Variants in SLC22A31 observed in about 807,000 individuals in gnomAD.
SLC22A31 encodes solute carrier family 22 member 31.
Under a neutral mutation model 27.4 loss-of-function variants are expected in SLC22A31, and 42 were observed. The ratio of observed to expected loss-of-function variants is 1.53; its 90% confidence interval spans 1.20 to 1.98. The LOEUF (loss-of-function observed/expected upper bound fraction) is 1.98, where lower values mean the gene tolerates loss of function less well. Ranked by LOEUF, SLC22A31 falls within the 30% of genes most tolerant of loss-of-function variation. SLC22A31 has a pLI of 0.00. For missense variants in SLC22A31, 593 were observed against 479.9 expected (o/e 1.24, Z -2.20); for synonymous variants, 290 against 230.8 (o/e 1.26, Z -2.33).
chr16:89,200,204 C>T (rs183898509), intron 1 of SLC22A31: 1 of 171,352 alleles, frequency 5.8e-6, no homozygotes, highest in Admixed American at 6.3e-5. Context: ...CAGCCCCCAC[C>T]CCAGCCGGCC....
chr16:89,196,895 G>C (rs112092714), intron 8 of SLC22A31, among the ~76,000 whole-genome samples: 3 of 150,560 alleles, frequency 2.0e-5, no homozygotes, highest in African/African-American at 7.3e-5. Flanking sequence ...GCAGTGAGCT[G>C]AGATCACACC....
At chr16:89,198,821 AC>A in intron 4 of SLC22A31, 24 bp from the exon 5 acceptor site, 1 of 1,519,508 alleles carries the variant, frequency 6.6e-7, no homozygotes, top group South Asian at 1.2e-5. Flanking sequence ...GAGGATGCCC[AC>A]GGCTCCCTCC....
chr16:89,197,181 G>T, intron 8 of SLC22A31, 117 bp downstream of exon 8: 1 of 722,918 alleles, frequency 1.4e-6, no homozygotes, highest in Non-Finnish European at 2.3e-6. Context: ...CTGGATGGAG[G>T]AATCACAGGC....
intron 8 of SLC22A31, among the ~76,000 whole-genome samples, chr16:89,197,077 C>A (rs950207600): frequency 2.0e-5 from 3 of 152,204 alleles, no homozygotes; most frequent in African/African-American, 7.2e-5. Flanking sequence ...GCCTTCCCTC[C>A]CCTTCCCAGT....
At position 89,198,536 on chromosome 16, in the gene SLC22A31, A is replaced by G; in HGVS notation, c.613T>C (p.Ser205Pro). ...TACCGGGGCTGGGGGCTCCGTGCAG[A>G]CAGCATGGTCAGCTCTGTAGCCGCA... ...NSLATELTML[S>P]ARSPQPRYHS... The change falls in exon 6 of 9, where the codon TCT (serine) becomes CCT (proline). Residue 205 changes from serine (S) to proline (P), a missense_variant. By Grantham distance (74) the Ser-to-Pro change is moderately conservative. Coordinates refer to ENST00000682282, the MANE Select transcript of SLC22A31 (RefSeq NM_001384763.1). 4 of 1,508,618 alleles carry G rather than the reference A, an allele frequency of 2.7e-6. No homozygotes were observed. The highest frequency in any genetic ancestry group is 3.5e-6 in the Non-Finnish European group (4 of 1,130,464). The allele number at this position is 1,508,618 out of a possible 1,614,324, so 93.5% of individuals were successfully genotyped here.
In SLC22A31 at chr16:89,198,453, C is replaced by A. The variant is rs1404217093; in HGVS notation, c.696G>T (p.Leu232Phe). ...CTTCCTCGACTCACGAGCTGAAGCC[C>A]AAGATAAGCCCGTTTCTCCAGGTGA... ...TRVTWRNGLILGFSSLVGGGI... is the reference protein window; with the variant it reads ...TRVTWRNGLIFGFSSLVGGGI... The change falls in exon 6 of 9, where the codon TTG becomes TTT. Residue 232 changes from leucine to phenylalanine, a missense_variant. Transcript: ENST00000682282. 6 of 1,518,270 alleles carry A rather than the reference C, an allele frequency of 4.0e-6. No homozygotes were observed. The East Asian group carries it at 1.2e-4, about 31-fold the overall frequency. The allele number at this position is 1,518,270 out of a possible 1,614,324, so 94.0% of individuals were successfully genotyped here.
rs888386147 is a variant in SLC22A31, at chr16:89,199,204, A to G, written c.284-13T>C. 14 of 1,518,556 alleles carry G rather than the reference A, an allele frequency of 9.2e-6. No individual in the cohort carries two copies. In the Admixed American group the frequency reaches 2.1e-4, roughly 23 times the overall value. The allele number at this position is 1,518,556 out of a possible 1,614,324, so 94.1% of individuals were successfully genotyped here. On this transcript the variant is annotated splice_polypyrimidine_tract_variant and intron_variant, in intron 3 of 8. Coordinates refer to ENST00000682282, the MANE Select transcript of SLC22A31 (RefSeq NM_001384763.1). ...CACAACTCCAGGCCTGGGCAGACAC[A>G]GACAGGTTGAAGTGGAGGCCTCGGG...
chr16:89,196,410 G>A (rs1915927574), intron 8 of SLC22A31, 105 bp from the exon 9 acceptor site: 1 of 826,258 alleles, frequency 1.2e-6, no homozygotes, highest in Non-Finnish European at 1.7e-6. Context: ...TGTGTTGGGG[G>A]CAGCCAGCCT....
In SLC22A31 at chr16:89,199,466, C is replaced by T. The variant is rs1258426279; in HGVS notation, c.230G>A (p.Arg77His). 1 of 524,354 alleles carries T rather than the reference C, an allele frequency of 1.9e-6. No homozygotes were observed. Among genetic ancestry groups the T allele is most frequent in the Non-Finnish European group, 3.4e-6 (1 of 292,442 alleles). The allele number at this position is 524,354 out of a possible 1,614,324, so 32.5% of individuals were successfully genotyped here. The change falls in exon 3 of 9, where the codon CGC becomes CAC. Residue 77 changes from arginine to histidine, a missense_variant. Physicochemically the swap from Arg to His is conservative, Grantham distance 29. Transcript: ENST00000682282. Reference protein sequence around the residue: ...AASFPTLLVLRLLHGGTLAGA... With the variant: ...AASFPTLLVLHLLHGGTLAGA... ...TGCCAATGTGCCCCCGTGGAGTAGG[C>T]GCAGGACCAGCAGGGTAGGGAAGCT...
chr16:89,196,051 A>C lies in SLC22A31; in HGVS notation c.1289T>G (p.Leu430Arg). The C allele has an allele frequency of 1.3e-6, 2 of 1,529,986 alleles. No individual in the cohort carries two copies. Among genetic ancestry groups the C allele is most frequent in the Non-Finnish European group, 1.7e-6 (2 of 1,144,296 alleles). 94.8% of individuals were successfully genotyped at this position (1,529,986 alleles called of 1,614,324 possible). A position where few individuals can be genotyped will look rare whatever the true frequency, so the allele number is the denominator to read the frequency against. Residue 430 changes from leucine to arginine, a missense_variant, in exon 9 of 9, where the codon CTG becomes CGG. Coordinates refer to ENST00000682282, the MANE Select transcript of SLC22A31 (RefSeq NM_001384763.1). ...CCAGTAGGAGTTGGAGGGCGGCAGC[A>C]GAGGCAGGTGGTCCTGGCGGGGGCG... ...RGRPRQDHLP[L>R]LPPSNSYWAG...
intron 4 of SLC22A31, 55 bp from the exon 5 acceptor site, chr16:89,198,852 G>A (rs756971851): frequency 3.4e-5 from 51 of 1,505,386 alleles, no homozygotes; most frequent in Middle Eastern, 3.4e-4. Context: ...TGGAAGGAGA[G>A]GCAAAGGCCA....
chr16:89,196,936 C>T (rs549301664), intron 8 of SLC22A31, among the ~76,000 whole-genome samples: 1 of 148,312 alleles, frequency 6.7e-6, no homozygotes, highest in East Asian at 2.0e-4. Flanking sequence ...CAGAGCGAGA[C>T]TCCATCTCAA....
Position 89,198,167 on chromosome 16 carries a change from T to TG in SLC22A31, c.876dup (p.Met293HisfsTer105). 1 of 1,535,182 alleles carries TG rather than the reference T, an allele frequency of 6.5e-7. No individual in the cohort carries two copies. The highest frequency in any genetic ancestry group is 8.7e-7 in the Non-Finnish European group (1 of 1,146,802). On this transcript the variant is annotated frameshift_variant, in exon 7 of 9. Coordinates refer to ENST00000682282, the MANE Select transcript of SLC22A31 (RefSeq NM_001384763.1). LOFTEE classifies it high-confidence loss of function. The stretch of plus-strand genomic sequence containing the variant: ...AGCAGGGATGCCAGGCCTGTGACCA[T>TG]GGTGCCCAGCAGCAGCACGGGGCGG...
chr16:89,201,562 C>G (rs1480488085), upstream of SLC22A31: 5 of 398,586 alleles, frequency 1.3e-5, no homozygotes, highest in African/African-American at 6.2e-5. Context: ...GAGCTCAGCA[C>G]CAGCCCCAGC....
intron 1 of SLC22A31, 200 bp from the exon 2 acceptor site, chr16:89,200,016 C>T (rs577495987): frequency 7.3e-5 from 29 of 395,312 alleles, no homozygotes; most frequent in African/African-American, 5.3e-4. Context: ...CCGGCAGCCC[C>T]TGCACAGGGG....
rs974490924 is a variant in SLC22A31, at chr16:89,199,134, A to G, written c.341T>C (p.Phe114Ser). The change falls in exon 4 of 9, where the codon TTC becomes TCC. Residue 114 changes from phenylalanine (F) to serine (S), a missense_variant. By Grantham distance (155) the Phe-to-Ser change is radical. Coordinates refer to ENST00000682282, the MANE Select transcript of SLC22A31 (RefSeq NM_001384763.1). Reference protein sequence around the residue: ...RLAFSMGAGLFSVVGTLLLPG... With the variant: ...RLAFSMGAGLSSVVGTLLLPG... ...CAGCAGCAGGGTGCCCACCACCGAG[A>G]AAAGGCCAGCCCCCATGGAGAAGGC... 14 of 1,535,058 alleles carry G rather than the reference A, an allele frequency of 9.1e-6. No homozygotes were observed. Among genetic ancestry groups the G allele is most frequent in the East Asian group, 2.4e-5 (1 of 40,928 alleles).
rs1214907939 is a variant in SLC22A31, at chr16:89,198,558, C to G, written c.599-8G>C. 9 of 1,508,646 alleles carry G rather than the reference C, an allele frequency of 6.0e-6. No individual in the cohort carries two copies. Among genetic ancestry groups the G allele is most frequent in the Non-Finnish European group, 8.0e-6 (9 of 1,129,468 alleles). The allele number at this position is 1,508,646 out of a possible 1,614,324, so 93.5% of individuals were successfully genotyped here. On this transcript the variant is annotated splice_region_variant and splice_polypyrimidine_tract_variant and intron_variant, in intron 5 of 8. Coordinates refer to ENST00000682282, the MANE Select transcript of SLC22A31 (RefSeq NM_001384763.1). ...CAGACAGCATGGTCAGCTCTGTAGC[C>G]GCAGAGATGTGAGGGGAGGGGGGTG...
In SLC22A31 at chr16:89,196,139, G is replaced by A. The variant is rs531799341; in HGVS notation, c.1201C>T (p.Arg401Trp). ...TCCTGCAGTGACTGGGGCAGCCCCC[G>A]GCTTCGGCTCTCAGGCAGCAGCAGG... is the stretch of plus-strand genomic sequence containing the variant. ...CVLLLPESRS[R>W]GLPQSLQDAD... Residue 401 changes from arginine to tryptophan, a missense_variant, in exon 9 of 9, where the codon CGG (arginine) becomes TGG (tryptophan). Coordinates refer to ENST00000682282, the MANE Select transcript of SLC22A31 (RefSeq NM_001384763.1). The A allele has an allele frequency of 1.9e-4, 297 of 1,534,922 alleles. 4 individuals carry two copies. The South Asian group carries it at 2.8e-3, about 14-fold the overall frequency.
At chr16:89,201,666 G>A (rs1317871747), upstream of SLC22A31, 1 of 396,530 alleles carries the variant, frequency 2.5e-6, no homozygotes, top group Non-Finnish European at 4.5e-6. Flanking sequence ...CTGCTCCATC[G>A]GTCGCAGGCT....
Sources: gnomAD v4.1 joint callset for allele counts (sites outside exome capture counted in the v4.1 genomes callset) on GRCh38, gnomAD v4.1.1 for gene constraint, MANE v1.5 for transcripts, NCBI Gene and HGNC (gene_info 2026-07-23, HGNC 2026-07-21) for gene names.